Variants in THSD7A observed in about 807,000 individuals in gnomAD.
THSD7A encodes the protein thrombospondin type-1 domain-containing protein 7A.
In THSD7A, 96 loss-of-function variants were observed where a neutral mutation model predicts 231.3. That is an observed-to-expected ratio of 0.41 (90% CI 0.35 to 0.49). The LOEUF is 0.49. THSD7A is among the 20% of genes least tolerant of loss of function. THSD7A has a pLI of 0.05. For missense variants in THSD7A, 2,290 were observed against 2,070.2 expected, an observed-to-expected ratio of 1.11 and a Z score of -2.06; for synonymous variants, 940 against 743.3, an observed-to-expected ratio of 1.26 and a Z score of -4.30.
intron 6 of THSD7A, among the ~76,000 whole-genome samples, chr7:11,535,406 TACAC>T (rs1788873619): frequency 6.6e-6 from 1 of 152,096 alleles, no homozygotes; most frequent in African/African-American, 2.4e-5. Flanking sequence ...TGGTGATTAC[TACAC>T]ACCAACACTG....
chr7:11,381,604 G>A (rs1782519167), intron 24 of THSD7A, among the ~76,000 whole-genome samples: 1 of 152,150 alleles, frequency 6.6e-6, no homozygotes, highest in Admixed American at 6.6e-5. Flanking sequence ...CAGCAAGTAA[G>A]CAGGTCTGCC....
chr7:11,546,202 G>GCGCGCACGCACACACACACACACACACA (rs761841418), intron 4 of THSD7A, among the ~76,000 whole-genome samples: 2 of 129,374 alleles, frequency 1.5e-5, no homozygotes, highest in South Asian at 2.3e-4. Context: ...GTGGGCGCGC[G>GCGCGCACGCACACACACACACACACACA]CTCACACACA....
At chr7:11,496,031 A>G (rs1351174396) in intron 6 of THSD7A, among the ~76,000 whole-genome samples, 1 of 152,172 alleles carries the variant, frequency 6.6e-6, no homozygotes, top group East Asian at 1.9e-4. Flanking sequence ...ATTCTACAGA[A>G]TCAGAAGTAT....
intron 6 of THSD7A, among the ~76,000 whole-genome samples, chr7:11,527,587 A>G (rs916974657): frequency 1.3e-5 from 2 of 152,182 alleles, no homozygotes; most frequent in African/African-American, 2.4e-5. Context: ...TCCATAGACA[A>G]TTAACTTGTT....
intron 1 of THSD7A, among the ~76,000 whole-genome samples, chr7:11,753,790 CAGAGAG>C (rs763393318): frequency 2.0e-5 from 3 of 148,760 alleles, no homozygotes; most frequent in African/African-American, 7.4e-5. Context: ...GAGAGAGAGA[CAGAGAG>C]AGAGAGAGAG....
chr7:11,660,325 A>G (rs1344354514), intron 1 of THSD7A, among the ~76,000 whole-genome samples: 1 of 151,560 alleles, frequency 6.6e-6, no homozygotes, highest in African/African-American at 2.4e-5. Flanking sequence ...TTCTTATGCA[A>G]TAACAAAGCA....
At chr7:11,404,739 T>G (rs1783525499) in intron 22 of THSD7A, among the ~76,000 whole-genome samples, 1 of 152,154 alleles carries the variant, frequency 6.6e-6, no homozygotes, top group Non-Finnish European at 1.5e-5. Flanking sequence ...TTTCTTTTCT[T>G]TTACTTTATT....
intron 1 of THSD7A, chr7:11,820,632 C>T (rs1784847124): frequency 1.3e-6 from 1 of 753,884 alleles, no homozygotes; most frequent in South Asian, 1.5e-5. Flanking sequence ...AAAGTTTCCT[C>T]GAGCGCTCTG....
At chr7:11,790,926 AT>A (rs1158411092) in intron 1 of THSD7A, among the ~76,000 whole-genome samples, 1 of 152,048 alleles carries the variant, frequency 6.6e-6, no homozygotes, top group South Asian at 2.1e-4. Flanking sequence ...AAGTCCCTTC[AT>A]TATTCTTTAA....
rs1199816310 is a variant in THSD7A at position 11,406,538 on chromosome 7, T to C, written c.4063-64A>G. ...AATACTTCATTAGAGAGCTCATCAC[T>C]TAGTTATCTCTGCACCACTGACTTT... is the stretch of plus-strand genomic sequence containing the variant. On this transcript the variant is annotated intron_variant, in intron 21 of 27. Transcript: ENST00000423059. This position sits in a 1 kb window ranked among gnomAD's most constrained non-coding sequence, Gnocchi z 4.7. 2.7e-6 allele frequency: 4 copies of C among 1,455,376 alleles called. No individual in the cohort carries two copies. Among genetic ancestry groups the C allele is most frequent in the Non-Finnish European group, 2.8e-6 (3 of 1,086,692 alleles). 90.2% of individuals were successfully genotyped at this position (1,455,376 alleles called of 1,614,324 possible). A position where few individuals can be genotyped will look rare whatever the true frequency, so the allele number is the denominator to read the frequency against.
chr7:11,390,105 C>T, intron 23 of THSD7A, among the ~76,000 whole-genome samples: 1 of 152,156 alleles, frequency 6.6e-6, no homozygotes. Flanking sequence ...GGTTGCTCTT[C>T]TCAAGGAGTA....
At chr7:11,612,692 T>A (rs1157605094) in intron 2 of THSD7A, among the ~76,000 whole-genome samples, 1 of 152,178 alleles carries the variant, frequency 6.6e-6, no homozygotes, top group Non-Finnish European at 1.5e-5. Context: ...AACATGACAA[T>A]CGTAATTTAT....
rs755231531 is a variant in THSD7A, at chr7:11,376,704, C to G, written c.4802-47G>C. ...TATTAATTTACATTAGTCTGGTATA[C>G]ATGAGGCAGTCTTTAACTATGACCA... On this transcript the variant is annotated intron_variant, in intron 26 of 27. Transcript: ENST00000423059. 6.4e-6 allele frequency: 9 copies of G among 1,410,888 alleles called. No homozygotes were observed. The African/African-American group carries it at 1.3e-4, about 20-fold the overall frequency. 87.4% of individuals were successfully genotyped at this position (1,410,888 alleles called of 1,614,324 possible). A position where few individuals can be genotyped will look rare whatever the true frequency, so the allele number is the denominator to read the frequency against.
rs1277640560 is a variant in THSD7A, at chr7:11,736,131, A to G, written c.190+95626T>C. 3.3e-5 allele frequency among the ~76,000 whole-genome samples: 5 copies of G among 152,078 alleles called. No individual in the cohort carries two copies. In the East Asian group the frequency reaches 5.8e-4, roughly 18 times the overall value. ...ACCACAAAATACAGTGTTTATAGAT[A>G]TTAAGTGAATATTTTTCTAAAGATG... On this transcript the variant is annotated intron_variant, in intron 1 of 27. Transcript: ENST00000423059.
chr7:11,817,737 G>T (rs1784748840), intron 1 of THSD7A, among the ~76,000 whole-genome samples: 1 of 152,080 alleles, frequency 6.6e-6, no homozygotes, highest in Admixed American at 6.5e-5. Context: ...AATCTGTAGA[G>T]GTAGTTACTA....
chr7:11,798,846 T>C (rs2128180640), intron 1 of THSD7A, among the ~76,000 whole-genome samples: 1 of 152,322 alleles, frequency 6.6e-6, no homozygotes, highest in Non-Finnish European at 1.5e-5. Flanking sequence ...TTTTAGCAAG[T>C]AATTTAAAAA....
chr7:11,769,161 T>A (rs1397278993), intron 1 of THSD7A, among the ~76,000 whole-genome samples: 8 of 91,312 alleles, frequency 8.8e-5, no homozygotes, highest in East Asian at 3.2e-4. Context: ...ATATTTTTTT[T>A]TTTTTTTGGT....
intron 1 of THSD7A, among the ~76,000 whole-genome samples, chr7:11,746,889 G>A (rs894962760): frequency 2.6e-5 from 4 of 151,742 alleles, no homozygotes; most frequent in Non-Finnish European, 5.9e-5. Flanking sequence ...AGGAAGATTG[G>A]TCCTTTCTCT....
At chr7:11,492,968 G>A (rs1234406768) in intron 6 of THSD7A, among the ~76,000 whole-genome samples, 1 of 152,040 alleles carries the variant, frequency 6.6e-6, no homozygotes, top group Admixed American at 6.6e-5. Flanking sequence ...AGCAATGGAG[G>A]AAGTGCTCTA....
Sources: gnomAD v4.1 joint callset for allele counts (sites outside exome capture counted in the v4.1 genomes callset) on GRCh38, gnomAD v4.1.1 for gene constraint, Gnocchi (gnomAD v3.1) non-coding constraint, MANE v1.5 for transcripts, NCBI Gene and HGNC (gene_info 2026-07-23, HGNC 2026-07-21) for gene names.